ROBO2: variants seen among roughly 807,000 people sequenced by gnomAD.
The protein encoded by ROBO2 is roundabout guidance receptor 2.
In ROBO2, 53 loss-of-function variants were observed where a neutral mutation model predicts 160.8. That is an observed-to-expected ratio of 0.33 (90% CI 0.26 to 0.41). ROBO2 has a LOEUF of 0.41. ROBO2 is among the 10% of genes least tolerant of loss of function. ROBO2 has a pLI of 1.00. For missense variants in ROBO2, 1,577 were observed against 1,722.4 expected (o/e 0.92, Z 1.49); for synonymous variants, 664 against 611.7 (o/e 1.09, Z -1.26).
chr3:76,012,675 C>CT (rs1301557834), intron 2 of ROBO2, among the ~76,000 whole-genome samples: 2 of 151,764 alleles, frequency 1.3e-5, no homozygotes, highest in South Asian at 2.1e-4. Context: ...TGCTTAAAGA[C>CT]TTTTTTAAAA....
At chr3:76,403,597 A>G (rs866577423) in intron 2 of ROBO2, among the ~76,000 whole-genome samples, 4 of 151,644 alleles carry the variant, frequency 2.6e-5, no homozygotes, top group African/African-American at 7.2e-5. Flanking sequence ...TCCACTACAT[A>G]GGTGCTTTAA....
At chr3:77,472,093 T>C (rs1165904416) in intron 2 of ROBO2, among the ~76,000 whole-genome samples, 3 of 152,138 alleles carry the variant, frequency 2.0e-5, no homozygotes, top group African/African-American at 7.2e-5. Context: ...TGGGGTATCA[T>C]TTTCTAAGCC....
At chr3:76,786,271 T>C (rs559405725) in intron 2 of ROBO2, among the ~76,000 whole-genome samples, 78 of 151,440 alleles carry the variant, frequency 5.2e-4, no homozygotes, top group African/African-American at 1.7e-3. Context: ...AATAAAATTT[T>C]AAATGAGACC....
At chr3:76,379,190 G>T (rs969554823) in intron 2 of ROBO2, among the ~76,000 whole-genome samples, 1 of 150,810 alleles carries the variant, frequency 6.6e-6, no homozygotes. Context: ...AATATTAAAA[G>T]AAAAGAAGTA....
intron 24 of ROBO2, among the ~76,000 whole-genome samples, chr3:77,643,980 T>C (rs890250272): frequency 3.3e-5 from 5 of 151,872 alleles, no homozygotes; most frequent in East Asian, 1.9e-4. Flanking sequence ...AGCCCATACA[T>C]AGAAAGAACG....
chr3:77,342,620 C>A (rs1041224852), intron 2 of ROBO2, among the ~76,000 whole-genome samples: 7 of 152,094 alleles, frequency 4.6e-5, no homozygotes, highest in African/African-American at 1.7e-4. Flanking sequence ...AGCTAGAAGA[C>A]TCCCCATTTG....
chr3:76,192,233 T>A (rs1702040482), intron 2 of ROBO2, among the ~76,000 whole-genome samples: 1 of 151,400 alleles, frequency 6.6e-6, no homozygotes, highest in Admixed American at 6.6e-5. Flanking sequence ...TCGATTGGCT[T>A]ACAAATCCTG....
Position 76,078,275 on chromosome 3 carries a change from C to T in ROBO2, c.109+140673C>T, listed in dbSNP as rs1055085440. 7.9e-5 allele frequency among the ~76,000 whole-genome samples: 12 copies of T among 152,204 alleles called. 1 individual carries two copies. The highest frequency in any genetic ancestry group is 5.9e-5 in the Non-Finnish European group (4 of 68,014). ...TAACATTTTTTCATAGAAACAGATT[C>T]GGATGTATTTGGAGAGTCTGAATCT... is the stretch of plus-strand genomic sequence containing the variant. On this transcript the variant is annotated intron_variant, in intron 2 of 26. Coordinates refer to the ROBO2 transcript ENST00000487694.
chr3:75,944,315 T>G (rs569162152), intron 2 of ROBO2, among the ~76,000 whole-genome samples: 2 of 152,308 alleles, frequency 1.3e-5, no homozygotes, highest in Non-Finnish European at 2.9e-5. Flanking sequence ...TGTGTGAGAC[T>G]GGATGGCACA....
chr3:76,722,851 T>C (rs1180811375), intron 2 of ROBO2, among the ~76,000 whole-genome samples: 4 of 152,250 alleles, frequency 2.6e-5, no homozygotes, highest in Non-Finnish European at 4.4e-5. Context: ...TACCAGTTAA[T>C]GGGCATTGGA....
intron 2 of ROBO2, among the ~76,000 whole-genome samples, chr3:77,327,760 G>T (rs1453516803): frequency 3.3e-5 from 5 of 152,042 alleles, no homozygotes; most frequent in Non-Finnish European, 5.9e-5. Flanking sequence ...AAACATTGAA[G>T]ATTTAATGGC....
intron 2 of ROBO2, among the ~76,000 whole-genome samples, chr3:77,102,213 A>G (rs2150108535): frequency 6.6e-6 from 1 of 152,284 alleles, no homozygotes; most frequent in East Asian, 1.9e-4. Context: ...TGGAGCTCTG[A>G]ATGGAGCATG....
At chr3:77,497,500 T>C (rs1214011797) in intron 5 of ROBO2, among the ~76,000 whole-genome samples, 2 of 152,164 alleles carry the variant, frequency 1.3e-5, no homozygotes, top group East Asian at 3.9e-4. Flanking sequence ...ACAAGGTAAG[T>C]TAACTGTTAT....
At chr3:76,989,741 T>G (rs1241656061) in intron 2 of ROBO2, among the ~76,000 whole-genome samples, 3 of 152,136 alleles carry the variant, frequency 2.0e-5, no homozygotes, top group Admixed American at 6.6e-5. Context: ...AAAACTGATA[T>G]AAGACTAGAG....
At chr3:76,006,687 T>C (rs1262628335) in intron 2 of ROBO2, among the ~76,000 whole-genome samples, 2 of 152,116 alleles carry the variant, frequency 1.3e-5, no homozygotes, top group Non-Finnish European at 2.9e-5. Context: ...TCTAGTTTAG[T>C]GCCTGAAATA....
intron 2 of ROBO2, among the ~76,000 whole-genome samples, chr3:76,898,244 G>A (rs978354110): frequency 7.9e-5 from 12 of 152,002 alleles, no homozygotes; most frequent in Non-Finnish European, 1.8e-4. Flanking sequence ...TTTTTAAAGT[G>A]CTATTTTACA....
chr3:77,288,592 C>T (rs961924006), intron 2 of ROBO2, among the ~76,000 whole-genome samples: 4 of 152,180 alleles, frequency 2.6e-5, no homozygotes, highest in African/African-American at 9.7e-5. Flanking sequence ...ACAGGTCTGA[C>T]ACTCTCTGTG....
At chr3:75,965,498 T>C (rs1010591076) in intron 2 of ROBO2, among the ~76,000 whole-genome samples, 1 of 152,142 alleles carries the variant, frequency 6.6e-6, no homozygotes. Context: ...TTGTGATTAG[T>C]GTAATTGTGC....
intron 2 of ROBO2, among the ~76,000 whole-genome samples, chr3:77,012,170 T>C (rs1164344754): frequency 6.6e-6 from 1 of 152,174 alleles, no homozygotes; most frequent in Non-Finnish European, 1.5e-5. Context: ...TTTTATTTGA[T>C]ACTTCGGGAA....
Sources: gnomAD v4.1 joint callset for allele counts (sites outside exome capture counted in the v4.1 genomes callset) on GRCh38, gnomAD v4.1.1 for gene constraint, MANE v1.5 for transcripts, NCBI Gene and HGNC (gene_info 2026-07-23, HGNC 2026-07-21) for gene names.